KIAA0232: variants seen among roughly 807,000 people sequenced by gnomAD.
The protein encoded by KIAA0232 is KIAA0232.
A neutral mutation model predicts 122.0 loss-of-function variants in KIAA0232; 27 were observed. That is an observed-to-expected ratio of 0.22 (90% confidence interval 0.16 to 0.31). The LOEUF (loss-of-function observed/expected upper bound fraction) is 0.31. KIAA0232 is among the 10% of genes least tolerant of loss of function. The probability of loss-of-function intolerance (pLI) is 1.00; values close to 1 mark genes in which losing one functional copy is unlikely to be tolerated. For synonymous variants in KIAA0232, 613 were observed against 587.6 expected, an observed-to-expected ratio of 1.04 and a Z score of -0.63; for missense variants, 1,551 against 1,634.2, an observed-to-expected ratio of 0.95 and a Z score of 0.88.
At chr4:6,847,633 A>G (rs895946117) in intron 4 of KIAA0232, among the ~76,000 whole-genome samples, 2 of 152,200 alleles carry the variant, frequency 1.3e-5, no homozygotes, top group Admixed American at 1.3e-4. Context: ...TGCAAATAAC[A>G]TGCAAGTTTT....
intron 1 of KIAA0232, among the ~76,000 whole-genome samples, chr4:6,795,629 G>A (rs1717100043): frequency 6.6e-6 from 1 of 152,110 alleles, no homozygotes; most frequent in Non-Finnish European, 1.5e-5. Context: ...GGACATCACT[G>A]TCACCTAGGC....
Position 6,836,833 on chromosome 4 carries a change from C to G in KIAA0232, c.232-5234C>G, listed in dbSNP as rs1478563270. Among the ~76,000 whole-genome samples the G allele has an allele frequency of 1.1e-3, 172 of 152,250 alleles. 2 individuals are homozygous for G. The highest frequency in any genetic ancestry group is 2.8e-4 in the Non-Finnish European group (19 of 68,016). On this transcript the variant is annotated intron_variant, in intron 3 of 9. Coordinates refer to ENST00000307659, the MANE Select transcript of KIAA0232 (RefSeq NM_014743.3). ...TAATCCATTTAACCCTTAGTGGACA[C>G]AGCACATGTTTCAGAGAGCACGGGG...
At chr4:6,789,427 C>T (rs1195277473) in intron 1 of KIAA0232, among the ~76,000 whole-genome samples, 1 of 152,018 alleles carries the variant, frequency 6.6e-6, no homozygotes, top group African/African-American at 2.4e-5. Flanking sequence ...GTGCGTGCCA[C>T]CATGCCCGGC....
chr4:6,806,084 T>C (rs991687752), intron 2 of KIAA0232, among the ~76,000 whole-genome samples: 35 of 152,312 alleles, frequency 2.3e-4, no homozygotes, highest in Middle Eastern at 6.8e-3. Context: ...AAATGTTTTC[T>C]CCTTTTGTCC....
chr4:6,784,571 C>T (rs1268358117), intron 1 of KIAA0232, among the ~76,000 whole-genome samples: 1 of 152,148 alleles, frequency 6.6e-6, no homozygotes, highest in Non-Finnish European at 1.5e-5. Flanking sequence ...GAACCTATTT[C>T]CGAGAGTGTG....
chr4:6,790,837 C>T (rs188923031), intron 1 of KIAA0232, among the ~76,000 whole-genome samples: 2 of 151,434 alleles, frequency 1.3e-5, no homozygotes, highest in Admixed American at 1.3e-4. Context: ...TAGTTACCAT[C>T]ATAGATAATT....
intron 3 of KIAA0232, among the ~76,000 whole-genome samples, chr4:6,827,467 G>A (rs1276445516): frequency 6.6e-6 from 1 of 152,220 alleles, no homozygotes; most frequent in Non-Finnish European, 1.5e-5. Flanking sequence ...TCTGGCTCAT[G>A]CCTGTGATAA....
chr4:6,842,706 C>T (rs1163486196), intron 4 of KIAA0232, among the ~76,000 whole-genome samples: 2 of 151,872 alleles, frequency 1.3e-5, no homozygotes, highest in African/African-American at 4.8e-5. Context: ...GTGCCTCAGC[C>T]TCCGGAGTAG....
At chr4:6,821,216 CTTTTTA>C (rs561788517) in intron 2 of KIAA0232, among the ~76,000 whole-genome samples, 5 of 152,016 alleles carry the variant, frequency 3.3e-5, no homozygotes, top group African/African-American at 4.8e-5. Flanking sequence ...TAATTTTTTG[CTTTTTA>C]TTTTTATTTT....
At chr4:6,824,097 A>T (rs533902662) in intron 2 of KIAA0232, 88 bp from the exon 3 acceptor site, 50 of 413,858 alleles carry the variant, frequency 1.2e-4, no homozygotes, top group African/African-American at 7.8e-4. Context: ...ATAAAGAGGG[A>T]CAGTTTATTT....
chr4:6,795,646 G>A (rs1717100739), intron 1 of KIAA0232, among the ~76,000 whole-genome samples: 1 of 152,166 alleles, frequency 6.6e-6, no homozygotes, highest in African/African-American at 2.4e-5. Context: ...AGGCTGGAGT[G>A]CGGTGGTACA....
At chr4:6,819,213 T>C (rs977462368) in intron 2 of KIAA0232, among the ~76,000 whole-genome samples, 2 of 152,056 alleles carry the variant, frequency 1.3e-5, no homozygotes, top group African/African-American at 4.8e-5. Flanking sequence ...AAAACGAACA[T>C]TGACAAATGA....
intron 2 of KIAA0232, among the ~76,000 whole-genome samples, chr4:6,817,603 G>A (rs2109003840): frequency 6.6e-6 from 1 of 152,210 alleles, no homozygotes; most frequent in East Asian, 1.9e-4. Context: ...AATTCCATGT[G>A]GTCAGAGAAC....
intron 1 of KIAA0232, among the ~76,000 whole-genome samples, chr4:6,796,707 C>T (rs1293619462): frequency 2.0e-5 from 3 of 152,192 alleles, no homozygotes; most frequent in Non-Finnish European, 4.4e-5. Flanking sequence ...AGTTTGGTCA[C>T]ACGGTTTTCT....
In KIAA0232 at chr4:6,863,195, A is replaced by G. The variant is rs1720974313; in HGVS notation, c.2813A>G (p.Lys938Arg). 1 of 1,613,896 alleles carries G rather than the reference A, an allele frequency of 6.2e-7. No homozygotes were observed. Among genetic ancestry groups the G allele is most frequent in the Non-Finnish European group, 8.5e-7 (1 of 1,180,042 alleles). The change falls in exon 7 of 10, where the codon AAA (lysine) becomes AGA (arginine). Residue 938 changes from lysine (K) to arginine (R), a missense_variant. By Grantham distance (26) the Lys-to-Arg change is conservative. Around this residue, in one of 5 missense-constraint regions of KIAA0232, gnomAD observed 1,108 missense variants for 1,154.8 expected, o/e 0.96. Coordinates refer to ENST00000307659, the MANE Select transcript of KIAA0232 (RefSeq NM_014743.3). ...CTTGGAGGAGTTTATGGAGAACTCA[A>G]AACCTTCAATAGTGATGGGGAGTGG... ...FILGGVYGELKTFNSDGEWAV... is the reference protein window; with the variant it reads ...FILGGVYGELRTFNSDGEWAV...
In KIAA0232 at chr4:6,808,096, G is replaced by T. The variant is rs1577362718; in HGVS notation, c.-270+3490G>T. ...AAAGAAAAAAGAAAATAACAGACAAGAATTATTTATAAATGTATAACTACT... is the reference window on the plus strand; with the variant it reads ...AAAGAAAAAAGAAAATAACAGACAATAATTATTTATAAATGTATAACTACT... On this transcript the variant is annotated intron_variant, in intron 2 of 9. Coordinates refer to ENST00000307659, the MANE Select transcript of KIAA0232 (RefSeq NM_014743.3). Among the ~76,000 whole-genome samples the T allele has an allele frequency of 3.9e-5, 6 of 152,052 alleles. 1 individual carries two copies. Among genetic ancestry groups the T allele is most frequent in the Admixed American group, 3.3e-4 (5 of 15,256 alleles).
intron 2 of KIAA0232, among the ~76,000 whole-genome samples, chr4:6,818,951 A>G (rs565859406): frequency 6.6e-6 from 1 of 152,298 alleles, no homozygotes; most frequent in African/African-American, 2.4e-5. Flanking sequence ...ATCTTCAACA[A>G]AGTTGACAAA....
rs149196610 is a variant in KIAA0232 at position 6,817,206 on chromosome 4, A to C, written c.-269-6979A>C. On this transcript the variant is annotated intron_variant, in intron 2 of 9. Transcript: ENST00000307659. ...TCTTTCTCAGGACTGCTTTTGTGGC[A>C]TCCTAAAAATATTGATAGGTTGTGT... Among the ~76,000 whole-genome samples, 687 of 152,260 alleles carry C rather than the reference A, an allele frequency of 4.5e-3. 4 individuals are homozygous for C. Among genetic ancestry groups the C allele is most frequent in the Non-Finnish European group, 5.4e-3 (368 of 68,014 alleles).
chr4:6,803,546 T>C (rs1386187623), intron 1 of KIAA0232, among the ~76,000 whole-genome samples: 1 of 152,214 alleles, frequency 6.6e-6, no homozygotes, highest in East Asian at 1.9e-4. Flanking sequence ...ATTACCCTGA[T>C]TAAAATTTCA....
Sources: allele counts gnomAD v4.1 joint callset (sites outside exome capture counted in the v4.1 genomes callset), GRCh38; gene constraint gnomAD v4.1.1; regional missense constraint gnomAD v4.1.1; transcripts MANE v1.5; gene names NCBI Gene and HGNC (gene_info 2026-07-23, HGNC 2026-07-21).